The following OSBPL3 variants were observed in gnomAD, a reference collection of about 807,000 sequenced individuals.
OSBPL3 encodes oxysterol-binding protein-related protein 3.
OSBPL3 carries 65 observed loss-of-function variants against 120.1 expected under a neutral mutation model. The ratio of observed to expected loss-of-function variants is 0.54; its 90% CI spans 0.44 to 0.67. The LOEUF is 0.67. Among genes scored for constraint, OSBPL3 ranks in the 30% least tolerant of loss-of-function variants. OSBPL3 has a pLI of 0.00. For synonymous variants in OSBPL3, 416 were observed against 402.6 expected, an observed-to-expected ratio of 1.03 and a Z score of -0.40; for missense variants, 1,004 against 1,082.1, an observed-to-expected ratio of 0.93 and a Z score of 1.01.
intron 1 of OSBPL3, among the ~76,000 whole-genome samples, chr7:24,909,491 G>C (rs113282077): frequency 3.3e-5 from 5 of 152,134 alleles, no homozygotes; most frequent in Non-Finnish European, 7.4e-5. Context: ...TGCCAGCCAA[G>C]GAATAACAAT....
In OSBPL3 at chr7:24,820,817, T is replaced by TAAAA. The variant is rs34650111; in HGVS notation, c.1885-583_1885-580dup. ...TTTTTTTAAAAAAGAGTGTTTCTAT[T>TAAAA]AAAAAAAAAAAAGGTAAACACAATT... On this transcript the variant is annotated intron_variant, in intron 16 of 22. Coordinates refer to ENST00000313367, the MANE Select transcript of OSBPL3 (RefSeq NM_015550.4). The surrounding 1 kb of genome is among the most constrained non-coding windows in gnomAD (Gnocchi z 4.6). 1.4e-3 allele frequency among the ~76,000 whole-genome samples: 199 copies of TAAAA among 147,066 alleles called. 1 individual carries two copies. The highest frequency in any genetic ancestry group is 5.7e-3 in the East Asian group (29 of 5,066).
At chr7:24,892,196 C>A (rs919320858) in intron 2 of OSBPL3, among the ~76,000 whole-genome samples, 181 bp downstream of exon 2, 1 of 152,168 alleles carries the variant, frequency 6.6e-6, no homozygotes, top group African/African-American at 2.4e-5. Context: ...GTTCTTCCCA[C>A]CTGGTAGGCA....
At chr7:24,934,845 A>C (rs992466535) in intron 1 of OSBPL3, among the ~76,000 whole-genome samples, 2 of 152,202 alleles carry the variant, frequency 1.3e-5, no homozygotes, top group Non-Finnish European at 2.9e-5. Flanking sequence ...TGGAAACGCC[A>C]GAAATTATAA....
chr7:24,923,197 C>G (rs2128452645), intron 1 of OSBPL3, among the ~76,000 whole-genome samples: 1 of 152,336 alleles, frequency 6.6e-6, no homozygotes, highest in South Asian at 2.1e-4. Context: ...CCAAGCATGC[C>G]TGTTGACCTC....
At chr7:24,868,337 A>AG (rs1562856121) in intron 5 of OSBPL3, among the ~76,000 whole-genome samples, 25 of 93,256 alleles carry the variant, frequency 2.7e-4, no homozygotes, top group African/African-American at 1.3e-3. Flanking sequence ...AAAAAAAAAA[A>AG]AGTGTGTGTG....
chr7:24,817,286 GTGGGTGGAT>G lies in OSBPL3; in HGVS notation c.1949-607_1949-599del, dbSNP rs746449165. Among the ~76,000 whole-genome samples the G allele has an allele frequency of 2.1e-4, 32 of 152,300 alleles. No individual in the cohort carries two copies. Among genetic ancestry groups the G allele is most frequent in the Non-Finnish European group, 3.4e-4 (23 of 68,028 alleles). ...AATCCTAGCACTTTGGGAGGCAGAG[GTGGGTGGAT>G]CATTTGAGATCAGGAGTTCGAGACC... On this transcript the variant is annotated intron_variant, in intron 17 of 22. Transcript: ENST00000313367. The surrounding 1 kb of genome is among the most constrained non-coding windows in gnomAD (Gnocchi z 4.0).
chr7:24,820,316 A>T lies in OSBPL3; in HGVS notation c.1885-78T>A. On this transcript the variant is annotated intron_variant, in intron 16 of 22. Transcript: ENST00000313367. The surrounding 1 kb of genome is among the most constrained non-coding windows in gnomAD (Gnocchi z 4.6). The stretch of plus-strand genomic sequence containing the variant: ...ATGAAATCCATTCTTTCTCCCCTGC[A>T]CTGAGATGTAACAGCGTGCAATGCT... 9.5e-7 allele frequency: 1 copy of T among 1,055,530 alleles called. No homozygotes were observed. The highest frequency in any genetic ancestry group is 2.0e-4 in the Middle Eastern group (1 of 4,982). 65.4% of individuals were successfully genotyped at this position (1,055,530 alleles called of 1,614,324 possible). A position where few individuals can be genotyped will look rare whatever the true frequency, so the allele number is the denominator to read the frequency against.
At chr7:24,962,386 G>C (rs867570950) in intron 1 of OSBPL3, among the ~76,000 whole-genome samples, 2 of 127,132 alleles carry the variant, frequency 1.6e-5, no homozygotes, top group Non-Finnish European at 3.4e-5. Context: ...AGAGGAGAGG[G>C]GAGGGGGGAG....
At position 24,849,148 on chromosome 7, in the gene OSBPL3, T is replaced by G. The variant is rs1487238133; in HGVS notation, c.1187A>C (p.Glu396Ala). The change falls in exon 12 of 23, where the codon GAA (glutamate) becomes GCA (alanine). Residue 396 changes from glutamate to alanine, a missense_variant. Glu to Ala is a moderately radical substitution (Grantham distance 107). Around this residue, in one of 4 missense-constraint regions of OSBPL3, gnomAD observed 272 missense variants for 248.8 expected, o/e 1.09. Coordinates refer to ENST00000313367, the MANE Select transcript of OSBPL3 (RefSeq NM_015550.4). The surrounding 1 kb of genome is among the most constrained non-coding windows in gnomAD (Gnocchi z 5.4). ...SALAQNTDLKERLRRIHAESL... is the reference protein window; with the variant it reads ...SALAQNTDLKARLRRIHAESL... Reference sequence around the variant, plus strand: ...CTCGGCATGGATTCTGCGTAAGCGTTCTTTAAGATCTGTGTTTTGTGCTAG... The same window carrying G: ...CTCGGCATGGATTCTGCGTAAGCGTGCTTTAAGATCTGTGTTTTGTGCTAG... 5 of 1,613,970 alleles carry G rather than the reference T, an allele frequency of 3.1e-6. No homozygotes were observed. The highest frequency in any genetic ancestry group is 3.3e-5 in the Admixed American group (2 of 60,022).
chr7:24,913,288 A>G lies in OSBPL3; in HGVS notation c.-149-20667T>C, dbSNP rs1368818150. Among the ~76,000 whole-genome samples, 1 of 152,218 alleles carries G rather than the reference A, an allele frequency of 6.6e-6. No homozygotes were observed. Among genetic ancestry groups the G allele is most frequent in the Non-Finnish European group, 1.5e-5 (1 of 68,038 alleles). On this transcript the variant is annotated intron_variant, in intron 1 of 22. Coordinates refer to ENST00000313367, the MANE Select transcript of OSBPL3 (RefSeq NM_015550.4). This position sits in a 1 kb window ranked among gnomAD's most constrained non-coding sequence, Gnocchi z 5.3. Reference sequence around the variant, plus strand: ...GCATTAGATCGCTGAAACCCCAGGCAGGAAGCCCTGGCAGACCTCCAGACT... The same window carrying G: ...GCATTAGATCGCTGAAACCCCAGGCGGGAAGCCCTGGCAGACCTCCAGACT...
chr7:24,948,285 T>C (rs992030906), intron 1 of OSBPL3, among the ~76,000 whole-genome samples: 21 of 152,236 alleles, frequency 1.4e-4, no homozygotes, highest in African/African-American at 4.8e-4. Flanking sequence ...TCAGAGGAAA[T>C]AGCTGAAGTA....
At chr7:24,902,684 C>A (rs1052638897) in intron 1 of OSBPL3, among the ~76,000 whole-genome samples, 1 of 135,010 alleles carries the variant, frequency 7.4e-6, no homozygotes, top group Non-Finnish European at 1.6e-5. Flanking sequence ...CTTCTATGGT[C>A]ATTTACAAGA....
chr7:24,905,901 G>A (rs528217635), intron 1 of OSBPL3, among the ~76,000 whole-genome samples: 5 of 152,158 alleles, frequency 3.3e-5, no homozygotes, highest in East Asian at 1.9e-4. Context: ...GTGTGGTGGC[G>A]GGGACCTGTA....
rs1401522141 is a variant in OSBPL3 at position 24,834,159 on chromosome 7, C to T, written c.1746+327G>A. On this transcript the variant is annotated intron_variant, in intron 15 of 22. Coordinates refer to ENST00000313367, the MANE Select transcript of OSBPL3 (RefSeq NM_015550.4). This position sits in a 1 kb window ranked among gnomAD's most constrained non-coding sequence, Gnocchi z 5.2. ...GAAGTAAAAATAAACATGCAGACAG[C>T]CCTAAAGACATGTTTTCCAGCCGGG... 9.5e-7 allele frequency: 1 copy of T among 1,056,164 alleles called. No individual in the cohort carries two copies. The highest frequency in any genetic ancestry group is 1.2e-6 in the Non-Finnish European group (1 of 867,606). 65.4% of individuals were successfully genotyped at this position (1,056,164 alleles called of 1,614,324 possible).
At position 24,968,532 on chromosome 7, in the gene OSBPL3, G is replaced by A. The variant is rs1469636645; in HGVS notation, c.-150+11354C>T. Among the ~76,000 whole-genome samples, 1 of 152,172 alleles carries A rather than the reference G, an allele frequency of 6.6e-6. No homozygotes were observed. Among genetic ancestry groups the A allele is most frequent in the Non-Finnish European group, 1.5e-5 (1 of 68,040 alleles). ...CTGCCTCCACCTCCTGCGTAGCCGG[G>A]ATTACAGGCACACACCACCACGCCC... On this transcript the variant is annotated intron_variant, in intron 1 of 22. Coordinates refer to ENST00000313367, the MANE Select transcript of OSBPL3 (RefSeq NM_015550.4). The surrounding 1 kb of genome is among the most constrained non-coding windows in gnomAD (Gnocchi z 4.6).
chr7:24,882,283 T>C (rs1803811281), intron 2 of OSBPL3, among the ~76,000 whole-genome samples: 1 of 148,158 alleles, frequency 6.7e-6, no homozygotes, highest in Non-Finnish European at 1.5e-5. Flanking sequence ...GTCTCCATTA[T>C]CTAGATCATT....
Position 24,898,547 on chromosome 7 carries a change from C to A in OSBPL3, c.-149-5926G>T, listed in dbSNP as rs1806513190. ...ATAGAGTATCCATTTCTATTCCCTG[C>A]TCCATCCATGGCCTTCACAATCCAC... is the stretch of plus-strand genomic sequence containing the variant. On this transcript the variant is annotated intron_variant, in intron 1 of 22. Transcript: ENST00000313367. This position sits in a 1 kb window ranked among gnomAD's most constrained non-coding sequence, Gnocchi z 4.3. Among the ~76,000 whole-genome samples, 1 of 152,194 alleles carries A rather than the reference C, an allele frequency of 6.6e-6. No homozygotes were observed. The highest frequency in any genetic ancestry group is 2.1e-4 in the South Asian group (1 of 4,830).
rs1285107177 is a variant in OSBPL3, at chr7:24,854,498, A to ACGCG, written c.1028-1865_1028-1864insCGCG. On this transcript the variant is annotated intron_variant, in intron 10 of 22. Transcript: ENST00000313367. The surrounding 1 kb of genome is among the most constrained non-coding windows in gnomAD (Gnocchi z 4.1). ...AAGTCACAACAATTTGTACACACAC[A>ACGCG]CACGCACACACACACACACACACAC... Among the ~76,000 whole-genome samples the ACGCG allele has an allele frequency of 1.3e-5, 1 of 75,596 alleles. No individual in the cohort carries two copies. The highest frequency in any genetic ancestry group is 4.6e-4 in the South Asian group (1 of 2,154). 49.6% of individuals were successfully genotyped at this position (75,596 alleles called of 152,430 possible). A position where few individuals can be genotyped will look rare whatever the true frequency, so the allele number is the denominator to read the frequency against.
chr7:24,830,915 A>G lies in OSBPL3; in HGVS notation c.1747-10T>C. 6.3e-7 allele frequency: 1 copy of G among 1,586,364 alleles called. No homozygotes were observed. Among genetic ancestry groups the G allele is most frequent in the Non-Finnish European group, 8.5e-7 (1 of 1,171,406 alleles). On this transcript the variant is annotated splice_polypyrimidine_tract_variant and intron_variant, in intron 15 of 22. Coordinates refer to ENST00000313367, the MANE Select transcript of OSBPL3 (RefSeq NM_015550.4). The surrounding 1 kb of genome is among the most constrained non-coding windows in gnomAD (Gnocchi z 4.4). ...AGGCTGCCACATATACCTAAGGACA[A>G]GAGAAAAGAACTTTGTCATTTCCGT... is the stretch of plus-strand genomic sequence containing the variant.
Sources: gnomAD v4.1 joint callset for allele counts (sites outside exome capture counted in the v4.1 genomes callset) on GRCh38, gnomAD v4.1.1 for gene constraint, gnomAD v4.1.1 regional missense constraint, Gnocchi (gnomAD v3.1) non-coding constraint, MANE v1.5 for transcripts, NCBI Gene and HGNC (gene_info 2026-07-23, HGNC 2026-07-21) for gene names.